Variants in DPYSL2 observed in about 807,000 individuals in gnomAD.
DPYSL2 encodes dihydropyrimidinase like 2, also known as dihydropyrimidinase-related protein 2.
A neutral mutation model predicts 69.9 loss-of-function variants in DPYSL2; 13 were observed. The observed-to-expected ratio is 0.19, with a 90% CI of 0.12 to 0.30. DPYSL2 has a LOEUF of 0.30. DPYSL2 is among the 10% of genes least tolerant of loss of function. The pLI, the probability that DPYSL2 is intolerant of heterozygous loss-of-function variation, is 1.00. For synonymous variants in DPYSL2, 326 were observed against 359.1 expected, an observed-to-expected ratio of 0.91 and a Z score of 1.04; for missense variants, 587 against 918.9, an observed-to-expected ratio of 0.64 and a Z score of 4.67.
rs1563201698 is a variant in DPYSL2 at position 26,655,723 on chromosome 8, C to CTA, written c.*17_*18insTA. 1 of 1,584,122 alleles carries CTA rather than the reference C, an allele frequency of 6.3e-7. No individual in the cohort carries two copies. ...CTGGGCTAGAGCTCCTGGGCTGTGC[C>CTA]GTCCACTGGGGACTGGGGATGGGAC... is the stretch of plus-strand genomic sequence containing the variant. On this transcript the variant is annotated 3_prime_UTR_variant, in exon 14 of 14. Transcript: ENST00000521913.
chr8:26,545,345 C>A (rs1800749126), intron 1 of DPYSL2, among the ~76,000 whole-genome samples: 1 of 152,154 alleles, frequency 6.6e-6, no homozygotes, highest in Non-Finnish European at 1.5e-5. Flanking sequence ...AACTACTAAC[C>A]TATAACAGCA....
chr8:26,645,253 G>A (rs4733051), intron 10 of DPYSL2, among the ~76,000 whole-genome samples: 9,444 of 152,040 alleles, frequency 0.062, 620 homozygotes, highest in East Asian at 0.37. Flanking sequence ...ACAAAAATTA[G>A]TGAGGCATGG....
intron 7 of DPYSL2, among the ~76,000 whole-genome samples, chr8:26,631,280 C>T (rs1192003016): frequency 2.0e-5 from 3 of 152,288 alleles, no homozygotes; most frequent in Non-Finnish European, 4.4e-5. Flanking sequence ...GCTGGGGAGG[C>T]CTCAGGAAAC....
rs559910895 is a variant in DPYSL2 at position 26,603,348 on chromosome 8, T to G, written c.628+19365T>G. ...CCACCACACCCGGCTAATTTTTGTA[T>G]TTTTAGTAGAGACGGGGTTTCACCA... is the stretch of plus-strand genomic sequence containing the variant. On this transcript the variant is annotated intron_variant, in intron 3 of 13. Coordinates refer to ENST00000521913, the MANE Select transcript of DPYSL2 (RefSeq NM_001197293.3). Among the ~76,000 whole-genome samples, 112 of 152,232 alleles carry G rather than the reference T, an allele frequency of 7.4e-4. 1 individual carries two copies. Among genetic ancestry groups the G allele is most frequent in the African/African-American group, 2.6e-3 (110 of 41,536 alleles).
In DPYSL2 at chr8:26,647,601, C is replaced by T. The variant is rs928869714; in HGVS notation, c.1426-29C>T. 6.3e-7 allele frequency: 1 copy of T among 1,579,610 alleles called. No homozygotes were observed. Among genetic ancestry groups the T allele is most frequent in the Non-Finnish European group, 8.6e-7 (1 of 1,164,274 alleles). On this transcript the variant is annotated intron_variant, in intron 10 of 13. Transcript: ENST00000521913. This position sits in a 1 kb window ranked among gnomAD's most constrained non-coding sequence, Gnocchi z 5.1. ...TTTAACTCGTTTCTGCTGTGTGCCT[C>T]CTGTGCACACCTATGCTGTCTCCCT...
chr8:26,636,353 C>A (rs907733862), intron 8 of DPYSL2, among the ~76,000 whole-genome samples: 1 of 152,108 alleles, frequency 6.6e-6, no homozygotes, highest in East Asian at 1.9e-4. Flanking sequence ...GCTGCCCCCA[C>A]GTAGTGTGGG....
In DPYSL2 at chr8:26,621,946, T is replaced by TC. The variant is rs2129892832; in HGVS notation, c.629-2197_629-2196insC. Among the ~76,000 whole-genome samples the TC allele has an allele frequency of 6.6e-6, 1 of 152,290 alleles. No individual in the cohort carries two copies. Among genetic ancestry groups the TC allele is most frequent in the South Asian group, 2.1e-4 (1 of 4,828 alleles). On this transcript the variant is annotated intron_variant, in intron 3 of 13. Transcript: ENST00000521913. This position sits in a 1 kb window ranked among gnomAD's most constrained non-coding sequence, Gnocchi z 4.9. ...GGGAATGGCAGTGTTTGATGAAAGG[T>TC]TTAAGATCCTTCTAGCTGCTTCTGA...
At position 26,546,280 on chromosome 8, in the gene DPYSL2, A is replaced by G. The variant is rs553118797; in HGVS notation, c.354+31601A>G. On this transcript the variant is annotated intron_variant, in intron 1 of 13. Coordinates refer to ENST00000521913, the MANE Select transcript of DPYSL2 (RefSeq NM_001197293.3). ...TAAATTGTATTGTGTTTTTAATTAT[A>G]AATCCCACTTATTCATTGTTGCTAT... Among the ~76,000 whole-genome samples, 3 of 152,326 alleles carry G rather than the reference A, an allele frequency of 2.0e-5. No individual in the cohort carries two copies. The South Asian group carries it at 6.2e-4, about 32-fold the overall frequency.
At chr8:26,557,888 C>G (rs1382583718) in intron 1 of DPYSL2, among the ~76,000 whole-genome samples, 4 of 151,882 alleles carry the variant, frequency 2.6e-5, no homozygotes, top group Non-Finnish European at 5.9e-5. Context: ...GTAGTGGCAT[C>G]TCATTTCATC....
At chr8:26,651,901 G>A (rs1055876931) in intron 11 of DPYSL2, among the ~76,000 whole-genome samples, 3 of 152,204 alleles carry the variant, frequency 2.0e-5, no homozygotes, top group Non-Finnish European at 4.4e-5. Context: ...GTCAGAGAAG[G>A]CCTTTGGAAT....
rs561303145 is a variant in DPYSL2 at position 26,614,079 on chromosome 8, A to G, written c.629-10064A>G. Among the ~76,000 whole-genome samples, 26 of 152,338 alleles carry G rather than the reference A, an allele frequency of 1.7e-4. No homozygotes were observed. The South Asian group carries it at 3.7e-3, about 22-fold the overall frequency. ...CTGGAAATCAAGGCTGCGGTCAGCCAGATTGCACCACAGCATTCCGGCTTG... is the reference window on the plus strand; with the variant it reads ...CTGGAAATCAAGGCTGCGGTCAGCCGGATTGCACCACAGCATTCCGGCTTG... On this transcript the variant is annotated intron_variant, in intron 3 of 13. Transcript: ENST00000521913. The surrounding 1 kb of genome is among the most constrained non-coding windows in gnomAD (Gnocchi z 4.9).
At position 26,564,495 on chromosome 8, in the gene DPYSL2, G is replaced by C. The variant is rs17404686; in HGVS notation, c.355-17474G>C. 0.1 allele frequency among the ~76,000 whole-genome samples: 15,553 copies of C among 152,196 alleles called. 877 individuals are homozygous for C. Among genetic ancestry groups the C allele is most frequent in the Non-Finnish European group, 0.12 (8,233 of 68,000 alleles). On this transcript the variant is annotated intron_variant, in intron 1 of 13. Coordinates refer to ENST00000521913, the MANE Select transcript of DPYSL2 (RefSeq NM_001197293.3). The surrounding 1 kb of genome is among the most constrained non-coding windows in gnomAD (Gnocchi z 4.8). ...GGGAATAATCCTTGAATGGGCTGACGTCTTCCTGTGAGACCTAGGGAAGGA... is the reference window on the plus strand; with the variant it reads ...GGGAATAATCCTTGAATGGGCTGACCTCTTCCTGTGAGACCTAGGGAAGGA...
At chr8:26,537,190 T>C (rs1472332641) in intron 1 of DPYSL2, among the ~76,000 whole-genome samples, 4 of 152,178 alleles carry the variant, frequency 2.6e-5, no homozygotes, top group Non-Finnish European at 5.9e-5. Context: ...TTACTGCCAT[T>C]ATCATTATTA....
intron 7 of DPYSL2, among the ~76,000 whole-genome samples, chr8:26,633,891 G>A (rs950223356): frequency 6.6e-6 from 1 of 152,254 alleles, no homozygotes; most frequent in African/African-American, 2.4e-5. Flanking sequence ...GGGGCCATTG[G>A]TGTAGACAAA....
In DPYSL2 at chr8:26,533,310, G is replaced by A. The variant is rs906662917; in HGVS notation, c.354+18631G>A. Among the ~76,000 whole-genome samples the A allele has an allele frequency of 5.3e-5, 8 of 152,136 alleles. No individual in the cohort carries two copies. The highest frequency in any genetic ancestry group is 1.9e-4 in the African/African-American group (8 of 41,428). ...ATATATTATTTTTTTCTCCTGCTCT[G>A]TGGATTGTTTTTCACTTTCCTGATA... On this transcript the variant is annotated intron_variant, in intron 1 of 13. Transcript: ENST00000521913. This position sits in a 1 kb window ranked among gnomAD's most constrained non-coding sequence, Gnocchi z 4.8.
intron 3 of DPYSL2, chr8:26,623,903 A>G: frequency 2.0e-6 from 1 of 493,056 alleles, no homozygotes. Context: ...GGGAAATCAG[A>G]TCTGGGCAGT....
At chr8:26,615,210 C>T (rs191119152) in intron 3 of DPYSL2, among the ~76,000 whole-genome samples, 18 of 152,242 alleles carry the variant, frequency 1.2e-4, no homozygotes, top group Non-Finnish European at 2.2e-4. Context: ...GGGGCCGTTG[C>T]GAGGATTAAA....
At position 26,528,319 on chromosome 8, in the gene DPYSL2, A is replaced by G. The variant is rs566179725; in HGVS notation, c.354+13640A>G. ...TTTCAAAATGCACCTGGGATCAGGT[A>G]TGGTGAGACACACAGATATGTAAAT... On this transcript the variant is annotated intron_variant, in intron 1 of 13. Coordinates refer to ENST00000521913, the MANE Select transcript of DPYSL2 (RefSeq NM_001197293.3). Among the ~76,000 whole-genome samples the G allele has an allele frequency of 3.9e-5, 6 of 152,302 alleles. No homozygotes were observed. The East Asian group carries it at 7.7e-4, about 20-fold the overall frequency.
chr8:26,649,506 C>A (rs1803238996), intron 11 of DPYSL2, among the ~76,000 whole-genome samples: 1 of 152,210 alleles, frequency 6.6e-6, no homozygotes, highest in African/African-American at 2.4e-5. Context: ...CCTGCTTTTA[C>A]CTCCAGGTGA....
Sources: gnomAD v4.1 joint callset for allele counts (sites outside exome capture counted in the v4.1 genomes callset) on GRCh38, gnomAD v4.1.1 for gene constraint, Gnocchi (gnomAD v3.1) non-coding constraint, MANE v1.5 for transcripts, NCBI Gene and HGNC (gene_info 2026-07-23, HGNC 2026-07-21) for gene names.